Variants in PLCD1 observed in about 807,000 individuals in gnomAD.
The protein encoded by PLCD1 is 1-phosphatidylinositol 4,5-bisphosphate phosphodiesterase delta-1.
In PLCD1, 71 loss-of-function variants were observed where a neutral mutation model predicts 87.4. The observed-to-expected ratio is 0.81, with a 90% confidence interval of 0.67 to 0.99. The LOEUF (loss-of-function observed/expected upper bound fraction) is 0.99, where lower values mean the gene tolerates loss of function less well. PLCD1 is among the 50% of genes least tolerant of loss of function. The pLI is 0.00. For missense variants in PLCD1, 867 were observed against 1,001.5 expected (o/e 0.87, Z 1.81); for synonymous variants, 348 against 399.2 (o/e 0.87, Z 1.53).
chr3:38,029,363 A>C, intron 1 of PLCD1, 143 bp downstream of exon 1: 1 of 642,662 alleles, frequency 1.6e-6, no homozygotes, highest in African/African-American at 1.9e-5. Context: ...AGATTTTCCC[A>C]GTCCGGAGAA....
chr3:38,011,520 C>T, intron 4 of PLCD1, 24 bp downstream of exon 4: 1 of 1,614,064 alleles, frequency 6.2e-7, no homozygotes, highest in Non-Finnish European at 8.5e-7. Context: ...GACAGGCAGC[C>T]CCAGCCCCCA....
At chr3:38,016,828 G>A (rs1700163918) in intron 2 of PLCD1, 109 bp from the exon 3 acceptor site, 3 of 814,136 alleles carry the variant, frequency 3.7e-6, no homozygotes, top group Non-Finnish European at 6.2e-6. Context: ...TGGAGACACA[G>A]AGCCAGGGCC....
intron 1 of PLCD1, chr3:38,024,413 C>G: frequency 6.2e-7 from 1 of 1,612,482 alleles, no homozygotes; most frequent in Non-Finnish European, 8.5e-7. Context: ...GGCTCCGGCT[C>G]CGGATCCCCA....
chr3:38,012,243 C>G (rs541217799), intron 3 of PLCD1, among the ~76,000 whole-genome samples: 1 of 151,402 alleles, frequency 6.6e-6, no homozygotes, highest in African/African-American at 2.4e-5. Flanking sequence ...CTCCTAGGCC[C>G]AAGCAATCCT....
At chr3:38,011,157 C>T in intron 5 of PLCD1, 57 bp downstream of exon 5, 2 of 1,390,830 alleles carry the variant, frequency 1.4e-6, no homozygotes, top group Non-Finnish European at 2.0e-6. Flanking sequence ...CCCCAGGGGT[C>T]TCCCAGCCCA....
intron 12 of PLCD1, 44 bp downstream of exon 12, chr3:38,008,414 G>A (rs755921599): frequency 6.2e-7 from 1 of 1,614,170 alleles, no homozygotes; most frequent in Non-Finnish European, 8.5e-7. Context: ...TGGTAGCGGG[G>A]AAGGGAGGTC....
Position 38,010,280 on chromosome 3 carries a change from G to C in PLCD1, c.993-5C>G. ...CGGCAGCCTTTGCACAGTGCCCTGCGGGGAGGGTGGTGGCTAGGACCCTCC... is the reference window on the plus strand; with the variant it reads ...CGGCAGCCTTTGCACAGTGCCCTGCCGGGAGGGTGGTGGCTAGGACCCTCC... On this transcript the variant is annotated splice_polypyrimidine_tract_variant and splice_region_variant and intron_variant, in intron 6 of 14. Transcript: ENST00000334661. 1.2e-6 allele frequency: 2 copies of C among 1,614,210 alleles called. No homozygotes were observed. Among genetic ancestry groups the C allele is most frequent in the Non-Finnish European group, 1.7e-6 (2 of 1,180,044 alleles).
At position 38,011,215 on chromosome 3, in the gene PLCD1, A is replaced by G; in HGVS notation, c.789T>C (p.Thr263=). 6.2e-7 allele frequency: 1 copy of G among 1,606,108 alleles called. No homozygotes were observed. The highest frequency in any genetic ancestry group is 1.1e-5 in the South Asian group (1 of 90,916). Residue 263 remains threonine, a splice_region_variant and synonymous_variant, in exon 5 of 15, where the codon ACT becomes ACC. Coordinates refer to ENST00000334661, the MANE Select transcript of PLCD1 (RefSeq NM_006225.4). ...AGCAGGCCCTGGTCAGGCTCTCACC[A>G]GTCTCGCTGGGCTCGTAGCGCTCAA... ...SLIERYEPSE[T]AKAQRQMTKD...
At position 38,007,555 on chromosome 3, in the gene PLCD1, G is replaced by A; in HGVS notation, c.*218C>T. The A allele has an allele frequency of 1.4e-6, 1 of 692,250 alleles. No homozygotes were observed. Among genetic ancestry groups the A allele is most frequent in the Non-Finnish European group, 2.6e-6 (1 of 378,752 alleles). 42.9% of individuals were successfully genotyped at this position (692,250 alleles called of 1,614,324 possible). A position where few individuals can be genotyped will look rare whatever the true frequency, so the allele number is the denominator to read the frequency against. On this transcript the variant is annotated 3_prime_UTR_variant, in exon 15 of 15. Transcript: ENST00000334661. ...CCACTCGCTGGCCGGAGGGTGGAGAGGGCTGCAGTGTTATTCCTAACGGAA... is the reference window on the plus strand; with the variant it reads ...CCACTCGCTGGCCGGAGGGTGGAGAAGGCTGCAGTGTTATTCCTAACGGAA...
intron 2 of PLCD1, among the ~76,000 whole-genome samples, chr3:38,019,320 T>G (rs1349667002): frequency 1.3e-5 from 2 of 152,170 alleles, no homozygotes; most frequent in African/African-American, 2.4e-5. Context: ...TAAAATTAAA[T>G]AAGATTGAGA....
intron 1 of PLCD1, among the ~76,000 whole-genome samples, chr3:38,023,348 C>T (rs777499835): frequency 1.3e-5 from 2 of 152,146 alleles, no homozygotes; most frequent in Non-Finnish European, 2.9e-5. Context: ...CAGTGTCACA[C>T]TTAGTCATGC....
intron 2 of PLCD1, 120 bp downstream of exon 2, chr3:38,020,068 C>CA: frequency 1.1e-6 from 1 of 939,414 alleles, no homozygotes; most frequent in Non-Finnish European, 1.7e-6. Flanking sequence ...ACCTATGCCC[C>CA]ACCAGGCCAG....
chr3:38,029,619 G>A lies in PLCD1; in HGVS notation c.-80C>T, dbSNP rs967663892. Reference sequence around the variant, plus strand: ...AGCACCGGCGGCCTGGGGTCCGAGCGGAGTGCGGTGCAGGGACCTGAATGG... The same window carrying A: ...AGCACCGGCGGCCTGGGGTCCGAGCAGAGTGCGGTGCAGGGACCTGAATGG... On this transcript the variant is annotated 5_prime_UTR_variant, in exon 1 of 15. Coordinates refer to ENST00000334661, the MANE Select transcript of PLCD1 (RefSeq NM_006225.4). 24 of 1,372,096 alleles carry A rather than the reference G, an allele frequency of 1.7e-5. No individual in the cohort carries two copies. The highest frequency in any genetic ancestry group is 2.5e-4 in the Middle Eastern group (1 of 4,058). The allele number at this position is 1,372,096 out of a possible 1,614,324, so 85.0% of individuals were successfully genotyped here.
At chr3:38,015,525 C>G (rs1700142166) in intron 3 of PLCD1, among the ~76,000 whole-genome samples, 1 of 152,126 alleles carries the variant, frequency 6.6e-6, no homozygotes, top group East Asian at 1.9e-4. Flanking sequence ...CTGCACAATT[C>G]TGTGAATATA....
rs762731634 is a variant in PLCD1, at chr3:38,018,857, G to A, written c.199+1331C>T. 2 of 152,382 alleles carry A rather than the reference G, an allele frequency of 1.3e-5. No individual in the cohort carries two copies. Among genetic ancestry groups the A allele is most frequent in the Admixed American group, 6.5e-5 (1 of 15,286 alleles). The allele number at this position is 152,382 out of a possible 1,614,324, so 9.4% of individuals were successfully genotyped here. ...GGGCTCCGTGTGGTTTCCTCAGAAT[G>A]TTCTGGAGCCCCTACCCCTCAGACC... On this transcript the variant is annotated intron_variant, in intron 2 of 14. Coordinates refer to ENST00000334661, the MANE Select transcript of PLCD1 (RefSeq NM_006225.4). The surrounding 1 kb of genome is among the most constrained non-coding windows in gnomAD (Gnocchi z 5.7).
In PLCD1 at chr3:38,017,627, G is replaced by A. The variant is rs1332000362; in HGVS notation, c.200-908C>T. Among the ~76,000 whole-genome samples, 1 of 152,168 alleles carries A rather than the reference G, an allele frequency of 6.6e-6. No individual in the cohort carries two copies. The highest frequency in any genetic ancestry group is 1.9e-4 in the East Asian group (1 of 5,180). On this transcript the variant is annotated intron_variant, in intron 2 of 14. Coordinates refer to ENST00000334661, the MANE Select transcript of PLCD1 (RefSeq NM_006225.4). This position sits in a 1 kb window ranked among gnomAD's most constrained non-coding sequence, Gnocchi z 4.7. ...CAGTTCTTCCAGTCAGGCTCATGCTGTGCCTCCCAGCAGCAGGATCCAGGC... is the reference window on the plus strand; with the variant it reads ...CAGTTCTTCCAGTCAGGCTCATGCTATGCCTCCCAGCAGCAGGATCCAGGC...
chr3:38,009,926 G>C lies in PLCD1; in HGVS notation c.1265C>G (p.Thr422Ser). ...CACCTCAGGGGAGGGCAGGCTGTTG[G>C]TGACCCCATCCAGTGGTCGGTTCAA... The part of the protein sequence containing the change: ...MLLNRPLDGV[T>S]NSLPSPEQLK... Residue 422 changes from threonine to serine, a missense_variant, in exon 8 of 15, where the codon ACC becomes AGC. Transcript: ENST00000334661. 1 of 1,611,284 alleles carries C rather than the reference G, an allele frequency of 6.2e-7. No homozygotes were observed. The highest frequency in any genetic ancestry group is 8.5e-7 in the Non-Finnish European group (1 of 1,178,562).
chr3:38,024,448 C>T (rs376187298), intron 1 of PLCD1: 17 of 1,606,232 alleles, frequency 1.1e-5, no homozygotes, highest in Non-Finnish European at 1.4e-5. Flanking sequence ...CTCCACAGTG[C>T]CCCTGCCTGC....
rs113213588 is a variant in PLCD1 at position 38,008,668 on chromosome 3, G to A, written c.1724-32C>T. 0.14 allele frequency: 229,655 copies of A among 1,606,528 alleles called. 17,764 individuals are homozygous for A. The highest frequency in any genetic ancestry group is 0.19 in the South Asian group (17,350 of 90,852). On this transcript the variant is annotated intron_variant, in intron 11 of 14. Coordinates refer to ENST00000334661, the MANE Select transcript of PLCD1 (RefSeq NM_006225.4). ...GCAGGACAGAGCAGTCACAGGCTGT[G>A]GGCTGGCCCTGGGGCCCTAGAGCAC...
Sources: gnomAD v4.1 joint callset for allele counts (sites outside exome capture counted in the v4.1 genomes callset) on GRCh38, gnomAD v4.1.1 for gene constraint, Gnocchi (gnomAD v3.1) non-coding constraint, MANE v1.5 for transcripts, NCBI Gene and HGNC (gene_info 2026-07-23, HGNC 2026-07-21) for gene names.